BCL11A: variants seen among roughly 807,000 people sequenced by gnomAD.
BCL11A encodes BCL11 transcription factor A, also known as B cell CLL/lymphoma 11A.
In BCL11A, 2 loss-of-function variants were observed where a neutral mutation model predicts 55.9. The observed-to-expected ratio is 0.04, with a 90% CI of 0.01 to 0.11. BCL11A has a LOEUF of 0.11. Among genes scored for constraint, BCL11A ranks in the 10% least tolerant of loss-of-function variants. The pLI is 1.00. For synonymous variants in BCL11A, 465 were observed against 473.4 expected, an observed-to-expected ratio of 0.98 and a Z score of 0.23; for missense variants, 817 against 1,137.1, an observed-to-expected ratio of 0.72 and a Z score of 4.05.
At chr2:60,495,031 G>C (rs537352488) in intron 2 of BCL11A, among the ~76,000 whole-genome samples, 53 of 152,128 alleles carry the variant, frequency 3.5e-4, no homozygotes, top group African/African-American at 1.1e-3. Context: ...ATGAGGAGGG[G>C]AGAGTGCAGA....
chr2:60,465,968 A>G (rs962722559), intron 3 of BCL11A, among the ~76,000 whole-genome samples: 5 of 152,132 alleles, frequency 3.3e-5, no homozygotes, highest in Non-Finnish European at 7.3e-5. Context: ...GGCCACAGGG[A>G]AGTGCTATGA....
Position 60,459,353 on chromosome 2 carries a change from T to C in BCL11A, c.*1051A>G. 1 of 1,019,414 alleles carries C rather than the reference T, an allele frequency of 9.8e-7. No homozygotes were observed. Among genetic ancestry groups the C allele is most frequent in the Non-Finnish European group, 1.2e-6 (1 of 849,454 alleles). The allele number at this position is 1,019,414 out of a possible 1,614,324, so 63.1% of individuals were successfully genotyped here. A position where few individuals can be genotyped will look rare whatever the true frequency, so the allele number is the denominator to read the frequency against. The stretch of plus-strand genomic sequence containing the variant: ...AGTGTATTTAATTGCGTTCCAGGGC[T>C]TTTGCACATTACACATTCAATTTAA... On this transcript the variant is annotated 3_prime_UTR_variant, in exon 4 of 4. Coordinates refer to ENST00000642384, the MANE Select transcript of BCL11A (RefSeq NM_022893.4).
chr2:60,471,657 T>G (rs1677205819), intron 2 of BCL11A, among the ~76,000 whole-genome samples: 1 of 152,188 alleles, frequency 6.6e-6, no homozygotes, highest in Admixed American at 6.5e-5. Flanking sequence ...GGCCTCTTCT[T>G]TTCCCACCTT....
At chr2:60,550,662 T>C (rs1258632492) in intron 1 of BCL11A, among the ~76,000 whole-genome samples, 1 of 151,948 alleles carries the variant, frequency 6.6e-6, no homozygotes, top group Non-Finnish European at 1.5e-5. Context: ...CCTCCCAAAC[T>C]GGCCCTTTAA....
intron 2 of BCL11A, among the ~76,000 whole-genome samples, chr2:60,506,573 CA>C (rs1667582010): frequency 6.6e-6 from 1 of 152,100 alleles, no homozygotes; most frequent in African/African-American, 2.4e-5. Flanking sequence ...CCTGGCTATA[CA>C]AAACACAGCA....
chr2:60,529,684 T>C (rs1438056681), intron 2 of BCL11A, among the ~76,000 whole-genome samples: 3 of 152,144 alleles, frequency 2.0e-5, no homozygotes, highest in African/African-American at 7.2e-5. Flanking sequence ...TATTTGCTAC[T>C]AGAAAAGGAG....
At chr2:60,512,203 C>G (rs1011764185) in intron 2 of BCL11A, among the ~76,000 whole-genome samples, 37 of 152,166 alleles carry the variant, frequency 2.4e-4, no homozygotes, top group Non-Finnish European at 1.9e-4. Flanking sequence ...CTGCTTTCCT[C>G]AGATGTTTTA....
chr2:60,484,664 T>G (rs1263025688), intron 2 of BCL11A, among the ~76,000 whole-genome samples: 3 of 151,622 alleles, frequency 2.0e-5, no homozygotes, highest in Admixed American at 2.0e-4. Flanking sequence ...GTGTTTTTTC[T>G]TAAGAGAAGG....
intron 2 of BCL11A, among the ~76,000 whole-genome samples, chr2:60,531,495 CA>C (rs1030639628): frequency 2.6e-5 from 4 of 152,006 alleles, no homozygotes; most frequent in African/African-American, 7.2e-5. Context: ...AAGGTCCCTC[CA>C]AAAAATATTA....
intron 2 of BCL11A, among the ~76,000 whole-genome samples, chr2:60,490,824 T>G (rs1678587841): frequency 6.6e-6 from 1 of 152,248 alleles, no homozygotes; most frequent in African/African-American, 2.4e-5. Context: ...AATGACTGAT[T>G]TACCTTCCTA....
intron 2 of BCL11A, among the ~76,000 whole-genome samples, chr2:60,490,582 T>G (rs1678571342): frequency 6.6e-6 from 1 of 152,198 alleles, no homozygotes; most frequent in Non-Finnish European, 1.5e-5. Flanking sequence ...AGAATCAATC[T>G]CATCCTTCTC....
Position 60,546,240 on chromosome 2 carries a change from G to A in BCL11A, c.116C>T (p.Pro39Leu), listed in dbSNP as rs1440685832. The A allele has an allele frequency of 1.2e-6, 2 of 1,614,098 alleles. No homozygotes were observed. The highest frequency in any genetic ancestry group is 1.7e-6 in the Non-Finnish European group (2 of 1,180,054). Residue 39 changes from proline to leucine, a missense_variant, in exon 2 of 4, where the codon CCA (proline) becomes CTA (leucine). This residue lies in a region of BCL11A where 363 missense variants were observed against 486.6 expected (regional missense o/e 0.75). Transcript: ENST00000642384. This position sits in a 1 kb window ranked among gnomAD's most constrained non-coding sequence, Gnocchi z 4.1. ...GGTGAGGAGGTCATGATCCCCTTCT[G>A]GAGCTCCCAACGGGCCGTGGTCTGG... ...DEPDHGPLGA[P>L]EGDHDLLTCG...
intron 2 of BCL11A, among the ~76,000 whole-genome samples, chr2:60,475,215 T>C (rs970611208): frequency 1.3e-5 from 2 of 152,180 alleles, no homozygotes; most frequent in Non-Finnish European, 2.9e-5. Flanking sequence ...TCTAAATAAA[T>C]CCTCTGAAGA....
intron 2 of BCL11A, among the ~76,000 whole-genome samples, chr2:60,504,098 C>T (rs1679439609): frequency 6.6e-6 from 1 of 152,154 alleles, no homozygotes; most frequent in Non-Finnish European, 1.5e-5. Flanking sequence ...GCCGACACTG[C>T]CCCCATGACA....
At chr2:60,485,042 T>C (rs1678192042) in intron 2 of BCL11A, among the ~76,000 whole-genome samples, 1 of 151,360 alleles carries the variant, frequency 6.6e-6, no homozygotes, top group Non-Finnish European at 1.5e-5. Context: ...AAACAATTTG[T>C]ACACCCTCAC....
At chr2:60,483,091 A>C (rs1678051635) in intron 2 of BCL11A, among the ~76,000 whole-genome samples, 1 of 152,234 alleles carries the variant, frequency 6.6e-6, no homozygotes, top group South Asian at 2.1e-4. Flanking sequence ...AGAATCAGGC[A>C]GTGTGATTTA....
At position 60,458,275 on chromosome 2, in the gene BCL11A, T is replaced by A; in HGVS notation, c.*2129A>T. On this transcript the variant is annotated 3_prime_UTR_variant, in exon 4 of 4. Coordinates refer to ENST00000642384, the MANE Select transcript of BCL11A (RefSeq NM_022893.4). The stretch of plus-strand genomic sequence containing the variant: ...ATCTTAAACCTTTCCCCAATGTATG[T>A]TTTTTTTTTTTACAACCTGAAGAGC... 2.3e-6 allele frequency: 1 copy of A among 441,732 alleles called. No individual in the cohort carries two copies. Among genetic ancestry groups the A allele is most frequent in the Non-Finnish European group, 3.0e-6 (1 of 333,476 alleles). 27.4% of individuals were successfully genotyped at this position (441,732 alleles called of 1,614,324 possible). A position where few individuals can be genotyped will look rare whatever the true frequency, so the allele number is the denominator to read the frequency against.
chr2:60,470,734 C>T (rs1486751204), intron 2 of BCL11A, among the ~76,000 whole-genome samples: 1 of 152,226 alleles, frequency 6.6e-6, no homozygotes, highest in Non-Finnish European at 1.5e-5. Flanking sequence ...AGGACCAGAT[C>T]TCTACAGTGT....
In BCL11A at chr2:60,461,451, TTCCTCCTCG is replaced by T; in HGVS notation, c.1452_1460del (p.Asp484_Glu486del). Reference sequence around the variant, plus strand: ...CTTCCTCTTCCTCGTCGTCCTCCTCTTCCTCCTCGTCCCCGTTCTCCGGGATCAGGTTGG... The same window carrying T: ...CTTCCTCTTCCTCGTCGTCCTCCTCTTCCCCGTTCTCCGGGATCAGGTTGG... On this transcript the variant is annotated inframe_deletion, in exon 4 of 4. Coordinates refer to ENST00000642384, the MANE Select transcript of BCL11A (RefSeq NM_022893.4). 1 of 1,604,430 alleles carries T rather than the reference TTCCTCCTCG, an allele frequency of 6.2e-7. No individual in the cohort carries two copies. The highest frequency in any genetic ancestry group is 8.5e-7 in the Non-Finnish European group (1 of 1,179,376).
Sources: gnomAD v4.1 joint callset for allele counts (sites outside exome capture counted in the v4.1 genomes callset) on GRCh38, gnomAD v4.1.1 for gene constraint, gnomAD v4.1.1 regional missense constraint, Gnocchi (gnomAD v3.1) non-coding constraint, MANE v1.5 for transcripts, NCBI Gene and HGNC (gene_info 2026-07-23, HGNC 2026-07-21) for gene names.